Variants in ARHGEF28 observed in about 807,000 individuals in gnomAD.
ARHGEF28 encodes 190 kDa guanine nucleotide exchange factor.
A neutral mutation model predicts 206.6 loss-of-function variants in ARHGEF28; 152 were observed. The ratio of observed to expected loss-of-function variants is 0.74; its 90% CI spans 0.64 to 0.84. The LOEUF is 0.84. ARHGEF28 is among the 40% of genes least tolerant of loss of function. ARHGEF28 has a pLI of 0.00. For missense variants in ARHGEF28, 2,028 were observed against 2,073.2 expected (o/e 0.98, Z 0.42); for synonymous variants, 763 against 776.4 (o/e 0.98, Z 0.29).
At chr5:73,825,883 G>T (rs1323874634) in intron 9 of ARHGEF28, among the ~76,000 whole-genome samples, 2 of 152,124 alleles carry the variant, frequency 1.3e-5, no homozygotes, top group African/African-American at 4.8e-5. Context: ...ATATTGAGGG[G>T]ATAGTGTGAC....
chr5:73,789,382 C>T (rs1276707512), intron 7 of ARHGEF28, among the ~76,000 whole-genome samples: 1 of 152,050 alleles, frequency 6.6e-6, no homozygotes, highest in Non-Finnish European at 1.5e-5. Context: ...TTGCCTTGGG[C>T]TGGGGTGTGG....
chr5:73,848,112 T>C (rs751259389), intron 12 of ARHGEF28, among the ~76,000 whole-genome samples: 10 of 152,218 alleles, frequency 6.6e-5, no homozygotes, highest in Non-Finnish European at 1.5e-4. Context: ...TTAAGTGATA[T>C]CTTAAAAATG....
At chr5:73,933,473 A>G (rs1764245528) in intron 35 of ARHGEF28, among the ~76,000 whole-genome samples, 2 of 152,228 alleles carry the variant, frequency 1.3e-5, no homozygotes, top group Admixed American at 1.3e-4. Context: ...ATTGATCTAA[A>G]CATAGTTGGC....
rs113007020 is a variant in ARHGEF28 at position 73,871,802 on chromosome 5, T to C, written c.2567-1197T>C. ...CAGCCTCTGGCAAACACTAGTCTAC[T>C]TTCTGTCTCTACAGATTTGTCTATT... On this transcript the variant is annotated intron_variant, in intron 21 of 35. Transcript: ENST00000513042. Among the ~76,000 whole-genome samples, 550 of 152,358 alleles carry C rather than the reference T, an allele frequency of 3.6e-3. 2 individuals are homozygous for C. The highest frequency in any genetic ancestry group is 0.012 in the African/African-American group (512 of 41,598).
chr5:73,739,796 A>C (rs1751249165), intron 2 of ARHGEF28, among the ~76,000 whole-genome samples: 1 of 149,734 alleles, frequency 6.7e-6, no homozygotes, highest in South Asian at 2.1e-4. Context: ...GGGGTACTGA[A>C]CAAGGTCCTG....
At chr5:73,859,304 G>A (rs1759241397) in intron 16 of ARHGEF28, among the ~76,000 whole-genome samples, 1 of 152,194 alleles carries the variant, frequency 6.6e-6, no homozygotes, top group African/African-American at 2.4e-5. Flanking sequence ...GCGCAGGCAG[G>A]TGGAATAGAT....
chr5:73,787,441 G>A (rs926199217), intron 7 of ARHGEF28, among the ~76,000 whole-genome samples: 1 of 152,060 alleles, frequency 6.6e-6, no homozygotes, highest in African/African-American at 2.4e-5. Flanking sequence ...AGAACGTGCA[G>A]GTTTGTTACA....
intron 9 of ARHGEF28, among the ~76,000 whole-genome samples, chr5:73,801,287 C>T (rs755423923): frequency 6.6e-6 from 1 of 151,436 alleles, no homozygotes; most frequent in Non-Finnish European, 1.5e-5. Flanking sequence ...TCTACTAAAA[C>T]TACAAAAAAA....
At chr5:73,662,978 C>T (rs1745703110) in intron 1 of ARHGEF28, among the ~76,000 whole-genome samples, 1 of 152,080 alleles carries the variant, frequency 6.6e-6, no homozygotes, top group South Asian at 2.1e-4. Flanking sequence ...TATTTTGAGA[C>T]AAGATCTCAC....
chr5:73,901,354 T>G, intron 31 of ARHGEF28, 70 bp downstream of exon 31: 1 of 1,358,836 alleles, frequency 7.4e-7, no homozygotes, highest in South Asian at 1.2e-5. Flanking sequence ...CAGGTTCTGG[T>G]CTGTCACGGC....
intron 25 of ARHGEF28, among the ~76,000 whole-genome samples, chr5:73,886,686 C>T (rs1425358451): frequency 6.6e-6 from 1 of 152,208 alleles, no homozygotes; most frequent in Non-Finnish European, 1.5e-5. Flanking sequence ...TATCACACTG[C>T]CTAATCCAGG....
chr5:73,761,032 T>G (rs1371581572), intron 4 of ARHGEF28, among the ~76,000 whole-genome samples: 1 of 152,194 alleles, frequency 6.6e-6, no homozygotes, highest in Admixed American at 6.5e-5. Context: ...CAATTATAAT[T>G]TTCAAGAACA....
intron 35 of ARHGEF28, among the ~76,000 whole-genome samples, chr5:73,912,979 T>C (rs1286570478): frequency 2.0e-5 from 3 of 152,248 alleles, no homozygotes; most frequent in Non-Finnish European, 4.4e-5. Flanking sequence ...TGTCTCTTAC[T>C]TTTTGTGTAT....
chr5:73,927,071 G>C (rs1019942133), intron 35 of ARHGEF28, among the ~76,000 whole-genome samples: 1 of 152,098 alleles, frequency 6.6e-6, no homozygotes, highest in Non-Finnish European at 1.5e-5. Flanking sequence ...AAAGGCAGCT[G>C]CTTTCTTGGC....
rs188306769 is a variant in ARHGEF28 at position 73,765,927 on chromosome 5, C to T, written c.476-7928C>T. On this transcript the variant is annotated intron_variant, in intron 4 of 35. Transcript: ENST00000513042. ...CAGCACTTTGGGAGGCCGAGGTGGGCGGATCACAAGGTCAGGAGATCGAGA... is the reference window on the plus strand; with the variant it reads ...CAGCACTTTGGGAGGCCGAGGTGGGTGGATCACAAGGTCAGGAGATCGAGA... 2.3e-3 allele frequency among the ~76,000 whole-genome samples: 348 copies of T among 152,164 alleles called. 2 individuals are homozygous for T. Among genetic ancestry groups the T allele is most frequent in the African/African-American group, 7.9e-3 (326 of 41,520 alleles).
chr5:73,715,568 A>T (rs1749535860), intron 2 of ARHGEF28, among the ~76,000 whole-genome samples: 1 of 152,256 alleles, frequency 6.6e-6, no homozygotes, highest in Admixed American at 6.5e-5. Context: ...CCCAAAAGGC[A>T]AATGTCTACA....
intron 22 of ARHGEF28, among the ~76,000 whole-genome samples, chr5:73,880,907 G>C (rs1278994506): frequency 6.6e-6 from 1 of 151,350 alleles, no homozygotes; most frequent in East Asian, 1.9e-4. Context: ...ACTCCAGCCT[G>C]GGTGGGCATC....
chr5:73,852,672 G>A lies in ARHGEF28; in HGVS notation c.1770G>A (p.Ser590=), dbSNP rs535155177. The A allele has an allele frequency of 4.0e-5, 65 of 1,613,096 alleles. No individual in the cohort carries two copies. Among genetic ancestry groups the A allele is most frequent in the South Asian group, 4.4e-5 (4 of 90,992 alleles). ...SSEEQRAYSL[S]EPPRENRIQE... is the part of the protein sequence containing the mutation. Reference sequence around the variant, plus strand: ...TAGAGCAAAGAGCTTACAGCTTATCGGAGCCACCAAGAGAAAACAGGTACT... The same window carrying A: ...TAGAGCAAAGAGCTTACAGCTTATCAGAGCCACCAAGAGAAAACAGGTACT... The change falls in exon 14 of 36, where the codon TCG becomes TCA. Residue 590 remains serine, a synonymous_variant. Coordinates refer to ENST00000513042, the MANE Select transcript of ARHGEF28 (RefSeq NM_001177693.2).
intron 22 of ARHGEF28, among the ~76,000 whole-genome samples, chr5:73,878,619 G>C (rs1760693786): frequency 6.7e-6 from 1 of 149,546 alleles, no homozygotes; most frequent in African/African-American, 2.5e-5. Flanking sequence ...GGGCAGGCCT[G>C]GTGGTGACAA....
Sources: gnomAD v4.1 joint callset for allele counts (sites outside exome capture counted in the v4.1 genomes callset) on GRCh38, gnomAD v4.1.1 for gene constraint, MANE v1.5 for transcripts, NCBI Gene and HGNC (gene_info 2026-07-23, HGNC 2026-07-21) for gene names.